Variants in CCNK observed in about 807,000 individuals in gnomAD.
CCNK encodes the protein cyclin-K.
CCNK carries 9 observed loss-of-function variants against 65.0 expected under a neutral mutation model. The observed-to-expected ratio is 0.14, with a 90% CI of 0.08 to 0.24. CCNK has a LOEUF of 0.24. Among genes scored for constraint, CCNK ranks in the 10% least tolerant of loss-of-function variants. CCNK has a pLI of 1.00. For synonymous variants in CCNK, 279 were observed against 270.8 expected, an observed-to-expected ratio of 1.03 and a Z score of -0.30; for missense variants, 474 against 720.0, an observed-to-expected ratio of 0.66 and a Z score of 3.91.
chr14:99,485,810 C>T (rs1896470700), intron 1 of CCNK, among the ~76,000 whole-genome samples: 1 of 151,986 alleles, frequency 6.6e-6, no homozygotes, highest in Non-Finnish European at 1.5e-5. Context: ...GCAGTGAGCA[C>T]CACTGCATTC....
In CCNK at chr14:99,492,525, T is replaced by C. The variant is rs529671444; in HGVS notation, c.-52-101T>C. The C allele has an allele frequency of 4.8e-5, 31 of 644,970 alleles. No individual in the cohort carries two copies. The East Asian group carries it at 9.1e-4, about 19-fold the overall frequency. The allele number at this position is 644,970 out of a possible 1,614,324, so 40.0% of individuals were successfully genotyped here. On this transcript the variant is annotated intron_variant, in intron 1 of 10. Transcript: ENST00000389879. ...GTAACTGGCAATTGACAGTGTGGTT[T>C]CTATAGGAAATAGTGATCCCAAACC...
At chr14:99,487,074 T>C (rs772117394) in intron 1 of CCNK, among the ~76,000 whole-genome samples, 2 of 152,232 alleles carry the variant, frequency 1.3e-5, no homozygotes, top group Non-Finnish European at 2.9e-5. Flanking sequence ...TAGGCGTATG[T>C]ATATTAAAGT....
chr14:99,491,231 AC>A (rs1896591776), intron 1 of CCNK, among the ~76,000 whole-genome samples: 1 of 152,178 alleles, frequency 6.6e-6, no homozygotes. Flanking sequence ...CATAGTTAGG[AC>A]AATATTTTCA....
Position 99,503,627 on chromosome 14 carries a change from A to G in CCNK, c.1028A>G (p.Glu343Gly), listed in dbSNP as rs934877498. 7.7e-6 allele frequency: 12 copies of G among 1,560,544 alleles called. No individual in the cohort carries two copies. The highest frequency in any genetic ancestry group is 9.6e-6 in the Non-Finnish European group (11 of 1,150,278). Reference protein sequence around the residue: ...VKRAVVVSPKEENKAAEPPPP... With the variant: ...VKRAVVVSPKGENKAAEPPPP... ...TTGTAACAGGTTGTTTCTCCCAAAG[A>G]AGAGAACAAAGCAGCAGGTAATTTC... Residue 343 changes from glutamate (E) to glycine (G), a missense_variant, in exon 9 of 11, where the codon GAA becomes GGA. Physicochemically the swap from Glu to Gly is moderately conservative, Grantham distance 98 (BLOSUM62 -2). Around this residue, in one of 6 missense-constraint regions of CCNK, gnomAD observed 229 missense variants for 275.5 expected, o/e 0.83. Coordinates refer to ENST00000389879, the MANE Select transcript of CCNK (RefSeq NM_001099402.2).
intron 5 of CCNK, 55 bp downstream of exon 5, chr14:99,500,926 T>C: frequency 9.4e-7 from 1 of 1,065,400 alleles, no homozygotes; most frequent in Non-Finnish European, 1.4e-6. Flanking sequence ...GTCTTTATAA[T>C]TTGATGACAC....
chr14:99,509,849 A>C, intron 10 of CCNK: 1 of 447,182 alleles, frequency 2.2e-6, no homozygotes, highest in Non-Finnish European at 4.0e-6. Flanking sequence ...TGCACTAGGA[A>C]GAGGGGGCTG....
intron 6 of CCNK, 188 bp from the exon 7 acceptor site, chr14:99,502,019 C>G: frequency 1.8e-6 from 1 of 549,384 alleles, no homozygotes; most frequent in Non-Finnish European, 2.9e-6. Flanking sequence ...AAATTACTAA[C>G]TATGGTTAAA....
rs563364720 is a variant in CCNK, at chr14:99,503,222, C to T, written c.1011+238C>T. On this transcript the variant is annotated intron_variant, in intron 8 of 10. Coordinates refer to ENST00000389879, the MANE Select transcript of CCNK (RefSeq NM_001099402.2). ...CCGGCTCCAGCCCTGCTGCCTGTTTCATCCCTGCCAGGGTTCTGAAGCCTG... is the reference window on the plus strand; with the variant it reads ...CCGGCTCCAGCCCTGCTGCCTGTTTTATCCCTGCCAGGGTTCTGAAGCCTG... 29 of 676,290 alleles carry T rather than the reference C, an allele frequency of 4.3e-5. No individual in the cohort carries two copies. The South Asian group carries it at 4.4e-4, about 10-fold the overall frequency. The allele number at this position is 676,290 out of a possible 1,614,324, so 41.9% of individuals were successfully genotyped here. A position where few individuals can be genotyped will look rare whatever the true frequency, so the allele number is the denominator to read the frequency against.
intron 1 of CCNK, among the ~76,000 whole-genome samples, chr14:99,482,324 T>C (rs1896361145): frequency 6.6e-6 from 1 of 152,228 alleles, no homozygotes; most frequent in African/African-American, 2.4e-5. Context: ...CTTGCAGTTG[T>C]AGGTGCCCGC....
intron 3 of CCNK, 39 bp from the exon 4 acceptor site, chr14:99,495,459 T>A (rs1171805516): frequency 6.3e-7 from 1 of 1,585,476 alleles, no homozygotes; most frequent in African/African-American, 1.4e-5. Context: ...CTGTGTGACC[T>A]TTGATAACAA....
intron 1 of CCNK, among the ~76,000 whole-genome samples, chr14:99,488,782 A>G (rs1157899087): frequency 6.6e-6 from 1 of 152,166 alleles, no homozygotes; most frequent in Non-Finnish European, 1.5e-5. Context: ...ATTATTCTCT[A>G]TATGTATTAA....
rs968779718 is a variant in CCNK at position 99,510,962 on chromosome 14, A to G, written c.*180A>G. 1.1e-4 allele frequency: 51 copies of G among 461,174 alleles called. No individual in the cohort carries two copies. Among genetic ancestry groups the G allele is most frequent in the African/African-American group, 8.3e-4 (41 of 49,468 alleles). 28.6% of individuals were successfully genotyped at this position (461,174 alleles called of 1,614,324 possible). Reference sequence around the variant, plus strand: ...TCCTCACACCTAGAGGACGGGGACAACCAGCTTTCAGAGTAGCCTCATCAG... The same window carrying G: ...TCCTCACACCTAGAGGACGGGGACAGCCAGCTTTCAGAGTAGCCTCATCAG... On this transcript the variant is annotated 3_prime_UTR_variant, in exon 11 of 11. Coordinates refer to ENST00000389879, the MANE Select transcript of CCNK (RefSeq NM_001099402.2).
intron 1 of CCNK, among the ~76,000 whole-genome samples, chr14:99,484,744 G>A (rs1052936941): frequency 1.4e-4 from 22 of 152,322 alleles, no homozygotes; most frequent in African/African-American, 5.1e-4. Context: ...GTAAACTAAT[G>A]AGGTTTCATT....
At chr14:99,494,899 A>C (rs547713306) in intron 3 of CCNK, 2 of 152,376 alleles carry the variant, frequency 1.3e-5, no homozygotes, top group Non-Finnish European at 2.9e-5. Flanking sequence ...AGGGAGGAAC[A>C]AGCCCCTTGG....
At chr14:99,500,588 C>T (rs780987425) in intron 4 of CCNK, 178 bp from the exon 5 acceptor site, 5 of 565,508 alleles carry the variant, frequency 8.8e-6, no homozygotes, top group Non-Finnish European at 1.6e-5. Flanking sequence ...GAGATCTTTT[C>T]AGAATTTATC....
At chr14:99,501,043 T>A (rs1368047610) in intron 5 of CCNK, 172 bp downstream of exon 5, 1 of 613,680 alleles carries the variant, frequency 1.6e-6, no homozygotes. Flanking sequence ...CTGTTTCCTT[T>A]TATGTATAAA....
chr14:99,501,792 G>A (rs1323856925), intron 6 of CCNK: 2 of 234,388 alleles, frequency 8.5e-6, no homozygotes, highest in Non-Finnish European at 8.2e-6. Context: ...ATGAGGGGCC[G>A]TGGTGGGAAA....
At chr14:99,505,303 A>C (rs989302175) in intron 9 of CCNK, 2 of 152,242 alleles carry the variant, frequency 1.3e-5, no homozygotes, top group African/African-American at 4.8e-5. Flanking sequence ...AGCTTTATAG[A>C]GGAACTCAGC....
chr14:99,510,785 T>G lies in CCNK; in HGVS notation c.*3T>G, dbSNP rs1897111193. 9 of 1,431,134 alleles carry G rather than the reference T, an allele frequency of 6.3e-6. No homozygotes were observed. The highest frequency in any genetic ancestry group is 2.0e-4 in the Middle Eastern group (1 of 4,884). 88.7% of individuals were successfully genotyped at this position (1,431,134 alleles called of 1,614,324 possible). ...GGCGGGCAGCCTGGATGAGATAACGTGAGCCTTTTTTCCCTCTTTGTTTTT... is the reference window on the plus strand; with the variant it reads ...GGCGGGCAGCCTGGATGAGATAACGGGAGCCTTTTTTCCCTCTTTGTTTTT... On this transcript the variant is annotated 3_prime_UTR_variant, in exon 11 of 11. Coordinates refer to ENST00000389879, the MANE Select transcript of CCNK (RefSeq NM_001099402.2).
Sources: gnomAD v4.1 joint callset for allele counts (sites outside exome capture counted in the v4.1 genomes callset) on GRCh38, gnomAD v4.1.1 for gene constraint, gnomAD v4.1.1 regional missense constraint, MANE v1.5 for transcripts, NCBI Gene and HGNC (gene_info 2026-07-23, HGNC 2026-07-21) for gene names.